Variants in BRMS1L observed in about 807,000 individuals in gnomAD.
BRMS1L encodes the protein breast cancer metastasis-suppressor 1-like protein.
A neutral mutation model predicts 50.3 loss-of-function variants in BRMS1L; 23 were observed. That is an observed-to-expected ratio of 0.46 (90% CI 0.33 to 0.65). The LOEUF (loss-of-function observed/expected upper bound fraction) is 0.65. BRMS1L is among the 30% of genes least tolerant of loss of function. BRMS1L has a pLI of 0.02. For missense variants in BRMS1L, 286 were observed against 386.1 expected (o/e 0.74, Z 2.17); for synonymous variants, 114 against 126.9 (o/e 0.90, Z 0.69).
chr14:35,865,783 G>A, intron 8 of BRMS1L, 22 bp downstream of exon 8: 1 of 1,597,828 alleles, frequency 6.3e-7, no homozygotes, highest in South Asian at 1.1e-5. Flanking sequence ...AGTCTGAGTT[G>A]GGAAATATTC....
intron 4 of BRMS1L, among the ~76,000 whole-genome samples, chr14:35,858,050 T>C (rs2078304653): frequency 6.6e-6 from 1 of 151,786 alleles, no homozygotes; most frequent in Non-Finnish European, 1.5e-5. Context: ...TCTCATAAGT[T>C]TTCAACTGTA....
chr14:35,845,066 A>G (rs1387707887), intron 4 of BRMS1L, among the ~76,000 whole-genome samples: 6 of 152,138 alleles, frequency 3.9e-5, no homozygotes. Flanking sequence ...TTTTTTTTGT[A>G]GAGATGGGAT....
chr14:35,845,679 A>G (rs986350301), intron 4 of BRMS1L, among the ~76,000 whole-genome samples: 4 of 152,218 alleles, frequency 2.6e-5, no homozygotes, highest in Non-Finnish European at 4.4e-5. Context: ...ATAGAAGTAT[A>G]TATTTAAGAG....
chr14:35,857,281 ATGTGTG>A (rs553372278), intron 4 of BRMS1L, among the ~76,000 whole-genome samples: 3 of 143,072 alleles, frequency 2.1e-5, no homozygotes, highest in Admixed American at 7.1e-5. Context: ...ATACATATAT[ATGTGTG>A]TGTGTGTGTG....
At chr14:35,861,185 A>G (rs546954779) in intron 4 of BRMS1L, among the ~76,000 whole-genome samples, 85 of 152,362 alleles carry the variant, frequency 5.6e-4, no homozygotes, top group Middle Eastern at 6.8e-3. Context: ...GATGCCTTCA[A>G]TGCTTCAAAC....
intron 4 of BRMS1L, among the ~76,000 whole-genome samples, chr14:35,838,236 G>C (rs989347355): frequency 6.6e-6 from 1 of 152,148 alleles, no homozygotes; most frequent in African/African-American, 2.4e-5. Flanking sequence ...GTATTCCATG[G>C]TGTATATGTG....
chr14:35,862,817 G>C, intron 5 of BRMS1L, 131 bp downstream of exon 5: 1 of 432,302 alleles, frequency 2.3e-6, no homozygotes. Flanking sequence ...GAGAAAAGGG[G>C]AAGAACTCTA....
chr14:35,826,356 C>T lies in BRMS1L; in HGVS notation c.-161C>T, dbSNP rs2077841243. On this transcript the variant is annotated 5_prime_UTR_variant, in exon 1 of 10. Coordinates refer to ENST00000216807, the MANE Select transcript of BRMS1L (RefSeq NM_032352.4). ...CAATGGCAGAGCTCCCATCGCAGAG[C>T]CTGCGGGTTAGGTTGTGAGGCCCGG... 8 of 1,059,542 alleles carry T rather than the reference C, an allele frequency of 7.6e-6. No individual in the cohort carries two copies. In the South Asian group the frequency reaches 1.2e-4, roughly 16 times the overall value. The allele number at this position is 1,059,542 out of a possible 1,614,324, so 65.6% of individuals were successfully genotyped here.
intron 4 of BRMS1L, among the ~76,000 whole-genome samples, chr14:35,858,055 A>G (rs1566427107): frequency 1.3e-5 from 2 of 151,836 alleles, no homozygotes; most frequent in Non-Finnish European, 2.9e-5. Flanking sequence ...TAAGTTTTCA[A>G]CTGTATGAAG....
At chr14:35,828,244 C>G (rs2077870407) in intron 1 of BRMS1L, among the ~76,000 whole-genome samples, 1 of 151,950 alleles carries the variant, frequency 6.6e-6, no homozygotes. Flanking sequence ...GTGATCTTGG[C>G]TCACTGCAAC....
At chr14:35,826,884 C>A in intron 1 of BRMS1L, 1 of 583,138 alleles carries the variant, frequency 1.7e-6, no homozygotes, top group Non-Finnish European at 2.8e-6. Context: ...TTGTCCAGCT[C>A]CCAAACGCGG....
intron 4 of BRMS1L, among the ~76,000 whole-genome samples, chr14:35,860,605 A>G (rs2078337695): frequency 6.6e-6 from 1 of 150,916 alleles, no homozygotes; most frequent in South Asian, 2.1e-4. Flanking sequence ...AAACTATTGT[A>G]GCGTTTTAAT....
chr14:35,835,242 C>T (rs950063422), intron 4 of BRMS1L, among the ~76,000 whole-genome samples: 2 of 152,142 alleles, frequency 1.3e-5, no homozygotes, highest in African/African-American at 2.4e-5. Flanking sequence ...ATTAGATTTG[C>T]GAAATATACA....
At chr14:35,841,020 A>C (rs1024509522) in intron 4 of BRMS1L, among the ~76,000 whole-genome samples, 1 of 152,122 alleles carries the variant, frequency 6.6e-6, no homozygotes, top group East Asian at 1.9e-4. Context: ...ACACTGCTTT[A>C]GCTGTGTCCC....
At chr14:35,833,246 C>T (rs1292513810) in intron 3 of BRMS1L, 141 bp downstream of exon 3, 1 of 810,348 alleles carries the variant, frequency 1.2e-6, no homozygotes, top group East Asian at 3.0e-5. Flanking sequence ...TTTAGTTAGC[C>T]CACAGTTACT....
At chr14:35,861,239 T>C (rs535475946) in intron 4 of BRMS1L, among the ~76,000 whole-genome samples, 87 of 152,286 alleles carry the variant, frequency 5.7e-4, no homozygotes, top group African/African-American at 1.9e-3. Flanking sequence ...TAAAGAATGA[T>C]TAGTGGATTT....
At chr14:35,843,290 A>G (rs1182202158) in intron 4 of BRMS1L, among the ~76,000 whole-genome samples, 9 of 151,822 alleles carry the variant, frequency 5.9e-5, no homozygotes, top group Non-Finnish European at 1.3e-4. Context: ...GCCTTTTTGC[A>G]CTGGTTTTTC....
chr14:35,863,279 A>T (rs1197005402), intron 5 of BRMS1L, among the ~76,000 whole-genome samples: 1 of 152,222 alleles, frequency 6.6e-6, no homozygotes, highest in African/African-American at 2.4e-5. Flanking sequence ...ATAACTTATT[A>T]ATGATTAGAT....
intron 9 of BRMS1L, among the ~76,000 whole-genome samples, chr14:35,868,921 T>A (rs1208091261): frequency 2.0e-5 from 3 of 152,220 alleles, no homozygotes; most frequent in African/African-American, 4.8e-5. Context: ...GGTTGTGACC[T>A]TTTGAAAATA....
Sources: gnomAD v4.1 joint callset for allele counts (sites outside exome capture counted in the v4.1 genomes callset) on GRCh38, gnomAD v4.1.1 for gene constraint, MANE v1.5 for transcripts, NCBI Gene and HGNC (gene_info 2026-07-23, HGNC 2026-07-21) for gene names.